TAFA1: variants seen among roughly 807,000 people sequenced by gnomAD.
TAFA1 encodes chemokine-like protein TAFA-1.
In TAFA1, 4 loss-of-function variants were observed where a neutral mutation model predicts 18.5. The observed-to-expected ratio is 0.22, with a 90% CI of 0.11 to 0.49. TAFA1 has a LOEUF of 0.49. Ranked by LOEUF, TAFA1 falls within the 20% of genes least tolerant of loss-of-function variation. The pLI, the probability that TAFA1 is intolerant of heterozygous loss-of-function variation, is 0.98. For missense variants in TAFA1, 147 were observed against 169.0 expected (o/e 0.87, Z 0.72); for synonymous variants, 56 against 55.2 (o/e 1.01, Z -0.06).
intron 2 of TAFA1, among the ~76,000 whole-genome samples, chr3:68,257,684 A>G (rs546197170): frequency 9.0e-4 from 137 of 152,276 alleles, no homozygotes; most frequent in African/African-American, 3.2e-3. Context: ...AGGGACTGTT[A>G]CATCCTCTAA....
At chr3:68,070,009 C>T (rs1575600294) in intron 2 of TAFA1, among the ~76,000 whole-genome samples, 1 of 152,154 alleles carries the variant, frequency 6.6e-6, no homozygotes, top group East Asian at 1.9e-4. Flanking sequence ...GCGCATGGTG[C>T]AAGGTGTCAG....
chr3:68,434,019 A>G (rs985217719), intron 3 of TAFA1, among the ~76,000 whole-genome samples: 2 of 152,066 alleles, frequency 1.3e-5, no homozygotes, highest in African/African-American at 2.4e-5. Context: ...TCTCTACCCT[A>G]AGTTTTCTGT....
intron 2 of TAFA1, among the ~76,000 whole-genome samples, chr3:68,165,192 ACT>A (rs1403735717): frequency 6.6e-6 from 1 of 152,068 alleles, no homozygotes; most frequent in African/African-American, 2.4e-5. Context: ...CTGATGAGTG[ACT>A]CTCTGTATCA....
chr3:68,390,276 A>G (rs2070204678), intron 2 of TAFA1, among the ~76,000 whole-genome samples: 1 of 151,868 alleles, frequency 6.6e-6, no homozygotes, highest in Non-Finnish European at 1.5e-5. Flanking sequence ...CAGAACCACA[A>G]AGCTACTGTA....
At chr3:68,399,643 TTAA>T (rs1286404696) in intron 2 of TAFA1, among the ~76,000 whole-genome samples, 4 of 152,136 alleles carry the variant, frequency 2.6e-5, no homozygotes, top group Admixed American at 6.6e-5. Context: ...TGGATATATA[TTAA>T]TAATAATAGT....
intron 2 of TAFA1, among the ~76,000 whole-genome samples, chr3:68,063,606 A>T (rs1575597475): frequency 1.3e-5 from 2 of 152,274 alleles, no homozygotes; most frequent in South Asian, 4.1e-4. Context: ...GTATTTTTAT[A>T]CTGTTGAAAT....
At chr3:68,017,074 C>A (rs557320963) in intron 2 of TAFA1, among the ~76,000 whole-genome samples, 1 of 151,962 alleles carries the variant, frequency 6.6e-6, no homozygotes, top group South Asian at 2.1e-4. Context: ...ATAAAAATTG[C>A]GACTTTAAAA....
At chr3:68,127,638 A>G (rs1448129222) in intron 2 of TAFA1, among the ~76,000 whole-genome samples, 1 of 90 alleles carries the variant, frequency 0.011, no homozygotes, top group Admixed American at 0.12. Flanking sequence ...CGTGGTGGTG[A>G]TGCTGATGAC....
At chr3:68,195,946 A>C (rs1410371298) in intron 2 of TAFA1, among the ~76,000 whole-genome samples, 1 of 151,710 alleles carries the variant, frequency 6.6e-6, no homozygotes, top group Non-Finnish European at 1.5e-5. Context: ...GACCCATGTC[A>C]CTTATAATGT....
At chr3:68,147,046 T>A (rs1179711787) in intron 2 of TAFA1, among the ~76,000 whole-genome samples, 1 of 150,998 alleles carries the variant, frequency 6.6e-6, no homozygotes, top group East Asian at 1.9e-4. Context: ...TGTGTATATA[T>A]ATATATATAT....
chr3:68,159,275 A>G (rs762277048), intron 2 of TAFA1, among the ~76,000 whole-genome samples: 4 of 152,200 alleles, frequency 2.6e-5, no homozygotes, highest in African/African-American at 4.8e-5. Flanking sequence ...GTGAAATCCT[A>G]TGCAAAATGC....
chr3:68,517,984 GAACT>G (rs2106744041), intron 3 of TAFA1, among the ~76,000 whole-genome samples: 1 of 152,028 alleles, frequency 6.6e-6, no homozygotes, highest in African/African-American at 2.4e-5. Context: ...CAGAAATGCT[GAACT>G]AATAGTTGCC....
At chr3:68,469,757 G>T (rs1277945157) in intron 3 of TAFA1, among the ~76,000 whole-genome samples, 3 of 152,190 alleles carry the variant, frequency 2.0e-5, no homozygotes, top group African/African-American at 7.2e-5. Context: ...CACTGGCTTT[G>T]ATGTTAGATA....
At chr3:68,475,383 C>G (rs909159012) in intron 3 of TAFA1, among the ~76,000 whole-genome samples, 3 of 148,210 alleles carry the variant, frequency 2.0e-5, no homozygotes, top group African/African-American at 7.5e-5. Flanking sequence ...CTGTTCAATT[C>G]CCACCTATGA....
intron 2 of TAFA1, among the ~76,000 whole-genome samples, chr3:68,377,711 C>T (rs1021529260): frequency 6.6e-6 from 1 of 152,120 alleles, no homozygotes; most frequent in Non-Finnish European, 1.5e-5. Context: ...CCATCACAGG[C>T]CTTGCAGCCT....
At chr3:68,470,710 G>A (rs2071981170) in intron 3 of TAFA1, among the ~76,000 whole-genome samples, 1 of 152,196 alleles carries the variant, frequency 6.6e-6, no homozygotes, top group Non-Finnish European at 1.5e-5. Context: ...TTCAAGAGGT[G>A]ATTTAGGTGC....
intron 3 of TAFA1, among the ~76,000 whole-genome samples, chr3:68,433,628 T>A (rs1018065436): frequency 6.6e-6 from 1 of 152,134 alleles, no homozygotes; most frequent in Admixed American, 6.6e-5. Context: ...ATAATTCATG[T>A]CTTTTGTACT....
intron 2 of TAFA1, among the ~76,000 whole-genome samples, chr3:68,412,078 C>T (rs2070729713): frequency 6.6e-6 from 1 of 152,182 alleles, no homozygotes; most frequent in African/African-American, 2.4e-5. Context: ...AGAGCAACAC[C>T]TTCCTGGCCT....
intron 2 of TAFA1, among the ~76,000 whole-genome samples, chr3:68,052,720 G>C (rs956917552): frequency 3.9e-5 from 6 of 152,260 alleles, no homozygotes; most frequent in South Asian, 4.1e-4. Flanking sequence ...GCACGATATT[G>C]AATAAGACAA....
Sources: gnomAD v4.1 joint callset for allele counts (sites outside exome capture counted in the v4.1 genomes callset) on GRCh38, gnomAD v4.1.1 for gene constraint, MANE v1.5 for transcripts, NCBI Gene and HGNC (gene_info 2026-07-23, HGNC 2026-07-21) for gene names.